GUCY1A2: variants seen among roughly 807,000 people sequenced by gnomAD.
The protein encoded by GUCY1A2 is guanylate cyclase soluble subunit alpha-2.
In GUCY1A2, 27 loss-of-function variants were observed where a neutral mutation model predicts 63.5. That is an observed-to-expected ratio of 0.43 (90% CI 0.31 to 0.59). The LOEUF is 0.59. Among genes scored for constraint, GUCY1A2 ranks in the 20% least tolerant of loss-of-function variants. GUCY1A2 has a pLI of 0.11. For missense variants in GUCY1A2, 768 were observed against 913.3 expected (o/e 0.84, Z 2.05); for synonymous variants, 364 against 343.5 (o/e 1.06, Z -0.66).
Position 106,974,726 on chromosome 11 carries a change from T to G in GUCY1A2, c.487+3893A>C, listed in dbSNP as rs577739703. On this transcript the variant is annotated intron_variant, in intron 3 of 7. Transcript: ENST00000526355. The stretch of plus-strand genomic sequence containing the variant: ...TTGCTCCCATTCTGACTTAAATGTG[T>G]TACATTTTTAGAGAAGATAAAGCAA... 2.0e-5 allele frequency among the ~76,000 whole-genome samples: 3 copies of G among 152,224 alleles called. No individual in the cohort carries two copies. The South Asian group carries it at 6.2e-4, about 32-fold the overall frequency.
intron 6 of GUCY1A2, among the ~76,000 whole-genome samples, chr11:106,761,695 A>G (rs1864069453): frequency 6.6e-6 from 1 of 152,174 alleles, no homozygotes; most frequent in African/African-American, 2.4e-5. Context: ...CAACCCTTGA[A>G]GCACCAAGTT....
chr11:106,852,418 C>T (rs1859368548), intron 4 of GUCY1A2, among the ~76,000 whole-genome samples: 1 of 152,046 alleles, frequency 6.6e-6, no homozygotes, highest in South Asian at 2.1e-4. Context: ...TTCAGCTTTT[C>T]CCGATTCAGT....
intron 4 of GUCY1A2, among the ~76,000 whole-genome samples, chr11:106,861,782 T>C (rs1859516264): frequency 6.6e-6 from 1 of 152,034 alleles, no homozygotes; most frequent in African/African-American, 2.4e-5. Context: ...AAATTACTCA[T>C]TTAAAAAAAC....
intron 6 of GUCY1A2, among the ~76,000 whole-genome samples, chr11:106,726,698 T>G (rs1045799021): frequency 6.6e-6 from 1 of 152,156 alleles, no homozygotes; most frequent in Non-Finnish European, 1.5e-5. Flanking sequence ...GACTGGATAT[T>G]AAAGACAAGA....
At chr11:106,988,793 A>T (rs1184858893) in intron 1 of GUCY1A2, among the ~76,000 whole-genome samples, 4 of 152,190 alleles carry the variant, frequency 2.6e-5, no homozygotes, top group Non-Finnish European at 4.4e-5. Context: ...ACTTCAACAC[A>T]GCCCTGGCCC....
intron 3 of GUCY1A2, among the ~76,000 whole-genome samples, chr11:106,948,769 C>A (rs1860864350): frequency 6.6e-6 from 1 of 152,020 alleles, no homozygotes; most frequent in South Asian, 2.1e-4. Context: ...TTTTAATATA[C>A]CACAGAACAG....
At chr11:106,983,983 C>T (rs1861369874) in intron 2 of GUCY1A2, among the ~76,000 whole-genome samples, 1 of 152,150 alleles carries the variant, frequency 6.6e-6, no homozygotes, top group African/African-American at 2.4e-5. Flanking sequence ...ATATTAGCTG[C>T]TCTGCTTTCT....
At chr11:106,870,261 A>T (rs550647318) in intron 4 of GUCY1A2, among the ~76,000 whole-genome samples, 9 of 152,262 alleles carry the variant, frequency 5.9e-5, no homozygotes, top group South Asian at 2.1e-4. Flanking sequence ...TAATAAAAAA[A>T]ATATATCTAT....
At chr11:107,014,044 A>C (rs2120218614) in intron 1 of GUCY1A2, among the ~76,000 whole-genome samples, 1 of 151,144 alleles carries the variant, frequency 6.6e-6, no homozygotes, top group Middle Eastern at 3.4e-3. Flanking sequence ...ACTTTCCTCA[A>C]AAGTTTTAAA....
chr11:106,687,645 A>G lies in GUCY1A2; in HGVS notation c.2103T>C (p.Thr701=), dbSNP rs1591230067. ...PGICYFLEVR[T]GPKPPKPSLS... ...GAGAAGGCTTTGGTGGCTTTGGACCAGTCCTTACCTCCAGGAAATAGCAGA... is the reference window on the plus strand; with the variant it reads ...GAGAAGGCTTTGGTGGCTTTGGACCGGTCCTTACCTCCAGGAAATAGCAGA... Residue 701 remains threonine (T), a synonymous_variant, in exon 8 of 8, where the codon ACT becomes ACC. Coordinates refer to ENST00000526355, the MANE Select transcript of GUCY1A2 (RefSeq NM_000855.3). 6 of 1,613,872 alleles carry G rather than the reference A, an allele frequency of 3.7e-6. No homozygotes were observed. The highest frequency in any genetic ancestry group is 5.1e-6 in the Non-Finnish European group (6 of 1,179,744).
At chr11:106,711,264 A>G (rs1050164206) in intron 6 of GUCY1A2, among the ~76,000 whole-genome samples, 5 of 152,258 alleles carry the variant, frequency 3.3e-5, no homozygotes, top group African/African-American at 1.2e-4. Context: ...AAGTGAGAAA[A>G]AGATGTCTTT....
intron 6 of GUCY1A2, among the ~76,000 whole-genome samples, chr11:106,756,581 G>C (rs1052625065): frequency 6.6e-6 from 1 of 152,108 alleles, no homozygotes; most frequent in Non-Finnish European, 1.5e-5. Flanking sequence ...GTCTGTAAAG[G>C]ATTTTATTTC....
At chr11:106,880,740 C>T (rs996766695) in intron 4 of GUCY1A2, among the ~76,000 whole-genome samples, 1 of 152,032 alleles carries the variant, frequency 6.6e-6, no homozygotes, top group Non-Finnish European at 1.5e-5. Flanking sequence ...AGAGCCTTTA[C>T]CATATTAAAG....
At chr11:106,811,360 A>G (rs559749147) in intron 4 of GUCY1A2, among the ~76,000 whole-genome samples, 2 of 152,144 alleles carry the variant, frequency 1.3e-5, no homozygotes, top group Middle Eastern at 3.4e-3. Flanking sequence ...GGCTACAACT[A>G]TAACTATTTG....
intron 6 of GUCY1A2, among the ~76,000 whole-genome samples, chr11:106,766,969 G>A (rs566018366): frequency 4.6e-5 from 7 of 152,010 alleles, no homozygotes; most frequent in Admixed American, 2.0e-4. Context: ...TTACATAAAC[G>A]TCAGATAAAT....
chr11:106,999,374 T>C (rs1467713761), intron 1 of GUCY1A2, among the ~76,000 whole-genome samples: 3 of 152,206 alleles, frequency 2.0e-5, no homozygotes, highest in African/African-American at 2.4e-5. Context: ...CAGAAACTGA[T>C]AGGCTTGACT....
chr11:106,680,340 C>T lies in GUCY1A2; in HGVS notation c.*7209G>A, dbSNP rs532237120. 4 of 209,704 alleles carry T rather than the reference C, an allele frequency of 1.9e-5. No individual in the cohort carries two copies. Among genetic ancestry groups the T allele is most frequent in the African/African-American group, 9.1e-5 (4 of 44,124 alleles). The allele number at this position is 209,704 out of a possible 1,614,324, so 13.0% of individuals were successfully genotyped here. On this transcript the variant is annotated 3_prime_UTR_variant, in exon 8 of 8. Transcript: ENST00000526355. ...AGTAAAAATATATTAAGTAGAATTCCTTCTTTATCTGCAAATAGCAAAAAG... is the reference window on the plus strand; with the variant it reads ...AGTAAAAATATATTAAGTAGAATTCTTTCTTTATCTGCAAATAGCAAAAAG...
chr11:106,759,074 T>C (rs1451701216), intron 6 of GUCY1A2, among the ~76,000 whole-genome samples: 2 of 151,964 alleles, frequency 1.3e-5, no homozygotes, highest in African/African-American at 2.4e-5. Flanking sequence ...GATGATGGGA[T>C]CATTTGTATC....
chr11:106,902,237 T>C (rs557249043), intron 4 of GUCY1A2, among the ~76,000 whole-genome samples: 1 of 152,312 alleles, frequency 6.6e-6, no homozygotes, highest in South Asian at 2.1e-4. Flanking sequence ...GAGCGGTAAG[T>C]CTTAAAGCTT....
Sources: gnomAD v4.1 joint callset for allele counts (sites outside exome capture counted in the v4.1 genomes callset) on GRCh38, gnomAD v4.1.1 for gene constraint, MANE v1.5 for transcripts, NCBI Gene and HGNC (gene_info 2026-07-23, HGNC 2026-07-21) for gene names.